Variants in EFL1 observed in about 807,000 individuals in gnomAD.
The protein encoded by EFL1 is elongation factor like GTPase 1, also known as elongation factor-like GTPase 1.
A neutral mutation model predicts 126.7 loss-of-function variants in EFL1; 76 were observed. The ratio of observed to expected loss-of-function variants is 0.60; its 90% CI spans 0.50 to 0.73. The LOEUF is 0.73. Among genes scored for constraint, EFL1 ranks in the 30% least tolerant of loss-of-function variants. The probability of loss-of-function intolerance (pLI) is 0.00; values close to 1 mark genes in which losing one functional copy is unlikely to be tolerated. For missense variants in EFL1, 1,128 were observed against 1,343.2 expected (o/e 0.84, Z 2.50); for synonymous variants, 410 against 448.4 (o/e 0.91, Z 1.08).
At chr15:82,226,080 C>T (rs1489981658) in intron 11 of EFL1, among the ~76,000 whole-genome samples, 3 of 152,176 alleles carry the variant, frequency 2.0e-5, no homozygotes, top group Non-Finnish European at 2.9e-5. Flanking sequence ...AAGAGGATCA[C>T]TCTGTTTTGT....
chr15:82,257,055 T>C (rs955088962), intron 3 of EFL1, among the ~76,000 whole-genome samples: 4 of 152,216 alleles, frequency 2.6e-5, no homozygotes, highest in African/African-American at 4.8e-5. Flanking sequence ...AAATTATTCT[T>C]TGAATGTTTG....
chr15:82,132,443 A>G (rs1221081816), intron 19 of EFL1, among the ~76,000 whole-genome samples: 4 of 152,156 alleles, frequency 2.6e-5, no homozygotes, highest in African/African-American at 4.8e-5. Flanking sequence ...GACAGACTTT[A>G]AAACATATTA....
chr15:82,160,319 T>C (rs936379532), intron 16 of EFL1, among the ~76,000 whole-genome samples: 1 of 152,228 alleles, frequency 6.6e-6, no homozygotes, highest in African/African-American at 2.4e-5. Flanking sequence ...CCCAAGGTGA[T>C]GTATGACTAC....
intron 15 of EFL1, among the ~76,000 whole-genome samples, chr15:82,176,009 C>G (rs1164235893): frequency 6.6e-6 from 1 of 152,030 alleles, no homozygotes; most frequent in African/African-American, 2.4e-5. Flanking sequence ...ACACAAGCTA[C>G]TATAATTTTT....
At chr15:82,143,742 T>C (rs1338399471) in intron 18 of EFL1, among the ~76,000 whole-genome samples, 1 of 152,202 alleles carries the variant, frequency 6.6e-6, no homozygotes, top group African/African-American at 2.4e-5. Flanking sequence ...GTGAGTCTGC[T>C]AGCACCTCTT....
rs529875901 is a variant in EFL1 at position 82,189,440 on chromosome 15, T to G, written c.1750+25277A>C. On this transcript the variant is annotated intron_variant, in intron 15 of 19. Coordinates refer to ENST00000268206, the MANE Select transcript of EFL1 (RefSeq NM_024580.6). ...TAGACAATTCATGAATCACATGTTT[T>G]TTCCTCTCAAATTCTGCAGCCAAGA... 2.6e-5 allele frequency among the ~76,000 whole-genome samples: 4 copies of G among 152,348 alleles called. No individual in the cohort carries two copies. The South Asian group carries it at 8.3e-4, about 32-fold the overall frequency.
At chr15:82,170,203 C>T (rs111972258) in intron 15 of EFL1, among the ~76,000 whole-genome samples, 28,533 of 148,298 alleles carry the variant, frequency 0.19, 3,002 homozygotes, top group South Asian at 0.39. Context: ...CAAGCTCCGC[C>T]TCCCGGGTTC....
intron 7 of EFL1, among the ~76,000 whole-genome samples, chr15:82,236,564 A>G (rs933266695): frequency 6.6e-6 from 1 of 152,212 alleles, no homozygotes; most frequent in African/African-American, 2.4e-5. Flanking sequence ...AATTCTATGG[A>G]GAATAGATAA....
At chr15:82,150,125 C>T (rs963478318) in intron 18 of EFL1, among the ~76,000 whole-genome samples, 17 of 152,246 alleles carry the variant, frequency 1.1e-4, no homozygotes, top group African/African-American at 4.1e-4. Flanking sequence ...ATATGACATG[C>T]TGTATTTGGA....
intron 15 of EFL1, among the ~76,000 whole-genome samples, chr15:82,168,321 C>G (rs2074099714): frequency 6.6e-6 from 1 of 152,164 alleles, no homozygotes; most frequent in South Asian, 2.1e-4. Context: ...CAAAGTGGAT[C>G]AGTATTGCTT....
At position 82,169,132 on chromosome 15, in the gene EFL1, G is replaced by A. The variant is rs184734137; in HGVS notation, c.1751-5148C>T. 1.7e-3 allele frequency among the ~76,000 whole-genome samples: 261 copies of A among 152,234 alleles called. 2 individuals are homozygous for A. Among genetic ancestry groups the A allele is most frequent in the African/African-American group, 6.0e-3 (251 of 41,532 alleles). ...GGGAATAACGCGGTTCTCAGTGTGGGGGTCTAGGATTAAAACAGTGGAAGA... is the reference window on the plus strand; with the variant it reads ...GGGAATAACGCGGTTCTCAGTGTGGAGGTCTAGGATTAAAACAGTGGAAGA... On this transcript the variant is annotated intron_variant, in intron 15 of 19. Coordinates refer to ENST00000268206, the MANE Select transcript of EFL1 (RefSeq NM_024580.6).
intron 15 of EFL1, among the ~76,000 whole-genome samples, chr15:82,190,445 T>C (rs1422295381): frequency 2.6e-5 from 4 of 152,226 alleles, no homozygotes; most frequent in Non-Finnish European, 5.9e-5. Flanking sequence ...TCTTTACTTT[T>C]GAATGCTACA....
intron 6 of EFL1, among the ~76,000 whole-genome samples, chr15:82,239,000 C>A (rs1392103952): frequency 6.6e-6 from 1 of 152,156 alleles, no homozygotes; most frequent in East Asian, 1.9e-4. Flanking sequence ...TATGTCCTAC[C>A]TCAGAGAGAA....
chr15:82,205,276 C>T (rs1040941400), intron 15 of EFL1, among the ~76,000 whole-genome samples: 2 of 152,142 alleles, frequency 1.3e-5, no homozygotes, highest in Non-Finnish European at 2.9e-5. Flanking sequence ...ACCTCATTAC[C>T]GTCCAATTTA....
At chr15:82,152,670 T>G (rs980458064) in intron 17 of EFL1, among the ~76,000 whole-genome samples, 1 of 152,200 alleles carries the variant, frequency 6.6e-6, no homozygotes, top group African/African-American at 2.4e-5. Flanking sequence ...TTTCACTTTT[T>G]TTTTTTTCAT....
chr15:82,164,238 T>C (rs2074054091), intron 15 of EFL1, among the ~76,000 whole-genome samples: 1 of 152,150 alleles, frequency 6.6e-6, no homozygotes, highest in Admixed American at 6.5e-5. Context: ...GGCTAATGCA[T>C]AGCTACTTTG....
intron 15 of EFL1, among the ~76,000 whole-genome samples, chr15:82,177,459 T>C (rs2074206404): frequency 6.6e-6 from 1 of 152,142 alleles, no homozygotes; most frequent in African/African-American, 2.4e-5. Flanking sequence ...TTACACTGAT[T>C]CTCCTGGCCA....
intron 2 of EFL1, among the ~76,000 whole-genome samples, chr15:82,260,722 T>C (rs1406861153): frequency 1.3e-5 from 2 of 152,214 alleles, no homozygotes; most frequent in Non-Finnish European, 2.9e-5. Flanking sequence ...AAAATGGAGA[T>C]CTGAACTTAG....
intron 12 of EFL1, 144 bp from the exon 13 acceptor site, chr15:82,220,373 A>G (rs1487360611): frequency 9.8e-6 from 9 of 913,942 alleles, no homozygotes; most frequent in East Asian, 2.6e-5. Flanking sequence ...GTCTGTAGCA[A>G]TAAGAGAGGG....
Sources: allele counts gnomAD v4.1 joint callset (sites outside exome capture counted in the v4.1 genomes callset), GRCh38; gene constraint gnomAD v4.1.1; transcripts MANE v1.5; gene names NCBI Gene and HGNC (gene_info 2026-07-23, HGNC 2026-07-21).